MEF2A: variants seen among roughly 807,000 people sequenced by gnomAD.
MEF2A encodes myocyte enhancer factor 2A, also known as myocyte-specific enhancer factor 2A.
Under a neutral mutation model 55.8 loss-of-function variants are expected in MEF2A, and 28 were observed. The observed-to-expected ratio is 0.50, with a 90% CI of 0.37 to 0.69. The LOEUF is 0.69. MEF2A is among the 30% of genes least tolerant of loss of function. The pLI, the probability that MEF2A is intolerant of heterozygous loss-of-function variation, is 0.00. For missense variants in MEF2A, 528 were observed against 626.2 expected, an observed-to-expected ratio of 0.84 and a Z score of 1.67; for synonymous variants, 239 against 227.1, an observed-to-expected ratio of 1.05 and a Z score of -0.47.
intron 5 of MEF2A, 120 bp downstream of exon 5, chr15:99,671,574 T>G: frequency 1.2e-6 from 2 of 1,612,172 alleles, no homozygotes; most frequent in Non-Finnish European, 1.7e-6. Flanking sequence ...TGATACTTCA[T>G]ATGTGCTAAC....
At chr15:99,597,554 G>T (rs372318481) in intron 1 of MEF2A, among the ~76,000 whole-genome samples, 17 of 152,066 alleles carry the variant, frequency 1.1e-4, no homozygotes, top group Admixed American at 3.9e-4. Context: ...GCCTCCACTT[G>T]CCTTGTCATA....
chr15:99,679,153 A>G (rs4965532), intron 7 of MEF2A, among the ~76,000 whole-genome samples: 36,895 of 152,154 alleles, frequency 0.24, 4,756 homozygotes, highest in African/African-American at 0.31. Flanking sequence ...AGTTGTTGCA[A>G]CCATTTGGCA....
Position 99,713,325 on chromosome 15 carries a change from AAAAACAAAC to A in MEF2A, c.*563_*571del, listed in dbSNP as rs2058853463. On this transcript the variant is annotated 3_prime_UTR_variant, in exon 12 of 12. Coordinates refer to ENST00000557942, the MANE Select transcript of MEF2A (RefSeq NM_001319206.4). Reference sequence around the variant, plus strand: ...TGCATGGGAAAGGGCTGTTGATATTAAAAACAAACAAAACAAAAAAGCCCCACACATAAC... The same window carrying A: ...TGCATGGGAAAGGGCTGTTGATATTAAAAACAAAAAAGCCCCACACATAAC... 7.3e-6 allele frequency: 2 copies of A among 274,756 alleles called. No individual in the cohort carries two copies. Among genetic ancestry groups the A allele is most frequent in the South Asian group, 1.7e-4 (1 of 5,898 alleles). The allele number at this position is 274,756 out of a possible 1,614,324, so 17.0% of individuals were successfully genotyped here.
At chr15:99,576,368 G>T (rs186829695) in intron 1 of MEF2A, among the ~76,000 whole-genome samples, 344 of 152,190 alleles carry the variant, frequency 2.3e-3, no homozygotes, top group African/African-American at 7.7e-3. Flanking sequence ...TTTAAAACAG[G>T]AGTGTGAATC....
In MEF2A at chr15:99,652,079, A is replaced by C. The variant is rs147220787; in HGVS notation, c.258+6315A>C. Among the ~76,000 whole-genome samples, 734 of 152,284 alleles carry C rather than the reference A, an allele frequency of 4.8e-3. 4 individuals are homozygous for C. Among genetic ancestry groups the C allele is most frequent in the East Asian group, 0.018 (91 of 5,188 alleles). On this transcript the variant is annotated intron_variant, in intron 4 of 11. Transcript: ENST00000557942. Reference sequence around the variant, plus strand: ...ATTTGATGCTTTGGTCAAATTTTTGACCAATAAGAAGAGGAGATAAAGAGG... The same window carrying C: ...ATTTGATGCTTTGGTCAAATTTTTGCCCAATAAGAAGAGGAGATAAAGAGG...
chr15:99,574,318 C>A (rs8040245), intron 1 of MEF2A, among the ~76,000 whole-genome samples: 1 of 152,074 alleles, frequency 6.6e-6, no homozygotes, highest in South Asian at 2.1e-4. Context: ...GGACCAGTTT[C>A]GTGGAAGACA....
intron 7 of MEF2A, among the ~76,000 whole-genome samples, chr15:99,678,448 T>C (rs2153663959): frequency 6.6e-6 from 1 of 152,346 alleles, no homozygotes; most frequent in South Asian, 2.1e-4. Context: ...TGTCATAACT[T>C]ACTGTATCAG....
At chr15:99,589,653 A>T (rs920766565) in intron 1 of MEF2A, among the ~76,000 whole-genome samples, 1 of 152,100 alleles carries the variant, frequency 6.6e-6, no homozygotes, top group Non-Finnish European at 1.5e-5. Context: ...CCAAGTACGT[A>T]TCTTTAGCTT....
intron 1 of MEF2A, among the ~76,000 whole-genome samples, chr15:99,590,328 T>C (rs1968821562): frequency 6.8e-6 from 1 of 147,154 alleles, no homozygotes; most frequent in Non-Finnish European, 1.5e-5. Flanking sequence ...TATCCTTTTC[T>C]ATTTTATGTT....
rs190007997 is a variant in MEF2A, at chr15:99,713,339, C to G, written c.*568C>G. ...CTGTTGATATTAAAAACAAACAAAA[C>G]AAAAAAGCCCCACACATAACTGTTT... is the stretch of plus-strand genomic sequence containing the variant. On this transcript the variant is annotated 3_prime_UTR_variant, in exon 12 of 12. Transcript: ENST00000557942. The G allele has an allele frequency of 8.2e-5, 21 of 254,576 alleles. No homozygotes were observed. The Admixed American group carries it at 9.3e-4, about 11-fold the overall frequency. The allele number at this position is 254,576 out of a possible 1,614,324, so 15.8% of individuals were successfully genotyped here.
chr15:99,627,786 A>G (rs571147011), intron 2 of MEF2A, among the ~76,000 whole-genome samples: 1 of 152,330 alleles, frequency 6.6e-6, no homozygotes, highest in Admixed American at 6.5e-5. Context: ...TGCCTTTCAT[A>G]TTTAGCCCTT....
chr15:99,696,415 A>G (rs1002907663), intron 8 of MEF2A, among the ~76,000 whole-genome samples: 2 of 152,232 alleles, frequency 1.3e-5, no homozygotes, highest in African/African-American at 2.4e-5. Context: ...TTCTCTGGCC[A>G]TAAGGAAATC....
At chr15:99,683,074 A>T (rs1284553333) in intron 7 of MEF2A, among the ~76,000 whole-genome samples, 2 of 152,224 alleles carry the variant, frequency 1.3e-5, no homozygotes, top group Non-Finnish European at 2.9e-5. Flanking sequence ...CTTAGCGGTT[A>T]CCTCTGTCCA....
chr15:99,663,824 C>G (rs982795884), intron 4 of MEF2A, among the ~76,000 whole-genome samples: 1 of 151,904 alleles, frequency 6.6e-6, no homozygotes, highest in African/African-American at 2.4e-5. Context: ...TTTTTTCTTT[C>G]TTTTTTCACC....
chr15:99,639,737 T>A (rs1457806123), intron 3 of MEF2A, among the ~76,000 whole-genome samples: 1 of 152,202 alleles, frequency 6.6e-6, no homozygotes, highest in Non-Finnish European at 1.5e-5. Context: ...CTTCTTTCTG[T>A]CTTGTCTGCC....
chr15:99,585,948 A>G (rs888619891), intron 1 of MEF2A, among the ~76,000 whole-genome samples: 4 of 152,096 alleles, frequency 2.6e-5, no homozygotes, highest in African/African-American at 9.7e-5. Context: ...ATCATGCAAT[A>G]GGTATTCTCT....
intron 8 of MEF2A, among the ~76,000 whole-genome samples, chr15:99,699,071 CAAAAA>C (rs371590167): frequency 6.7e-6 from 1 of 148,830 alleles, no homozygotes; most frequent in African/African-American, 2.5e-5. Flanking sequence ...AAAAAAAAAA[CAAAAA>C]AAACTTGCTG....
chr15:99,615,975 C>A (rs766669524), intron 2 of MEF2A, among the ~76,000 whole-genome samples: 49 of 152,106 alleles, frequency 3.2e-4, no homozygotes, highest in Non-Finnish European at 6.9e-4. Context: ...AAAATGGACT[C>A]TTCTGTGTTA....
At chr15:99,630,414 A>G (rs1431640920) in intron 2 of MEF2A, among the ~76,000 whole-genome samples, 3 of 151,866 alleles carry the variant, frequency 2.0e-5, no homozygotes, top group Admixed American at 2.0e-4. Flanking sequence ...GTATTTTTTG[A>G]TTTCATGTTT....
Sources: gnomAD v4.1 joint callset for allele counts (sites outside exome capture counted in the v4.1 genomes callset) on GRCh38, gnomAD v4.1.1 for gene constraint, MANE v1.5 for transcripts, NCBI Gene and HGNC (gene_info 2026-07-23, HGNC 2026-07-21) for gene names.